NALCN: variants seen among roughly 807,000 people sequenced by gnomAD.
NALCN encodes the protein sodium leak channel NALCN.
NALCN carries 111 observed loss-of-function variants against 225.3 expected under a neutral mutation model. That is an observed-to-expected ratio of 0.49 (90% CI 0.42 to 0.58). The LOEUF is 0.58. Among genes scored for constraint, NALCN ranks in the 20% least tolerant of loss-of-function variants. NALCN has a pLI of 0.00. For synonymous variants in NALCN, 764 were observed against 769.0 expected (o/e 0.99, Z 0.11); for missense variants, 1,378 against 2,202.4 (o/e 0.63, Z 7.49).
intron 13 of NALCN, 137 bp downstream of exon 13, chr13:101,229,256 A>C: frequency 1.2e-6 from 1 of 830,584 alleles, no homozygotes; most frequent in Non-Finnish European, 1.8e-6. Flanking sequence ...AATTTTAAAT[A>C]TTAAAATCTA....
chr13:101,261,661 T>A (rs1196875726), intron 10 of NALCN, among the ~76,000 whole-genome samples: 1 of 152,226 alleles, frequency 6.6e-6, no homozygotes, highest in Non-Finnish European at 1.5e-5. Flanking sequence ...GCTGTTGGCT[T>A]ATAGAAATGC....
chr13:101,191,125 T>A (rs1398967372), intron 14 of NALCN, among the ~76,000 whole-genome samples: 1 of 152,110 alleles, frequency 6.6e-6, no homozygotes, highest in East Asian at 1.9e-4. Flanking sequence ...TTGTATTTAT[T>A]TCTTGTATTC....
rs140072313 is a variant in NALCN, at chr13:101,247,656, A to G, written c.1267-9734T>C. Among the ~76,000 whole-genome samples the G allele has an allele frequency of 2.0e-5, 3 of 152,268 alleles. No individual in the cohort carries two copies. The East Asian group carries it at 5.8e-4, about 29-fold the overall frequency. On this transcript the variant is annotated intron_variant, in intron 11 of 43. Coordinates refer to ENST00000251127, the MANE Select transcript of NALCN (RefSeq NM_052867.4). ...ATTTTATTTTTTTAAATTAAATTCA[A>G]TTAAATTTAAAGTTCCAGGATATAT...
intron 10 of NALCN, among the ~76,000 whole-genome samples, chr13:101,263,663 T>C (rs1227373198): frequency 6.6e-6 from 1 of 152,244 alleles, no homozygotes; most frequent in African/African-American, 2.4e-5. Flanking sequence ...GTTTTTTGTC[T>C]GAATGTCTAC....
At position 101,145,295 on chromosome 13, in the gene NALCN, T is replaced by G. The variant is rs1296560548; in HGVS notation, c.1840-399A>C. ...AAAATTTTTAAAAACCATGAAAAAT[T>G]TAAAAAAAATTAACTACAGAATCAT... is the stretch of plus-strand genomic sequence containing the variant. On this transcript the variant is annotated intron_variant, in intron 15 of 43. Transcript: ENST00000251127. Among the ~76,000 whole-genome samples, 4 of 152,220 alleles carry G rather than the reference T, an allele frequency of 2.6e-5. No individual in the cohort carries two copies. In the Middle Eastern group the frequency reaches 0.01, roughly 388 times the overall value.
intron 3 of NALCN, among the ~76,000 whole-genome samples, chr13:101,393,682 C>CT (rs36119585): frequency 0.037 from 5,647 of 152,250 alleles, 145 homozygotes; most frequent in Admixed American, 0.073. Flanking sequence ...TGGCTTATGC[C>CT]TGTAATCCCA....
intron 14 of NALCN, among the ~76,000 whole-genome samples, chr13:101,186,467 T>C (rs1253134016): frequency 2.0e-5 from 3 of 152,212 alleles, no homozygotes; most frequent in Non-Finnish European, 4.4e-5. Flanking sequence ...ACAGTAACTG[T>C]TAGTCTAAGG....
intron 10 of NALCN, among the ~76,000 whole-genome samples, chr13:101,272,511 T>C (rs888719412): frequency 5.9e-5 from 9 of 152,118 alleles, no homozygotes; most frequent in African/African-American, 2.2e-4. Flanking sequence ...CCAAATATAA[T>C]CAAGGAATCA....
intron 10 of NALCN, among the ~76,000 whole-genome samples, chr13:101,265,921 A>C (rs903744933): frequency 6.6e-6 from 1 of 152,222 alleles, no homozygotes; most frequent in African/African-American, 2.4e-5. Context: ...AGAAGGTATA[A>C]GTACATGAAC....
intron 37 of NALCN, among the ~76,000 whole-genome samples, chr13:101,070,790 T>C (rs997236409): frequency 6.6e-6 from 1 of 152,208 alleles, no homozygotes; most frequent in Non-Finnish European, 1.5e-5. Flanking sequence ...AGCATAATTC[T>C]TAAGAGACTG....
chr13:101,103,239 A>T lies in NALCN; in HGVS notation c.2990T>A (p.Phe997Tyr), dbSNP rs1204577109. ...VLRCLRPLRI[F>Y]KLVPQMRKVV... ...TTTCCTCATCTGGGGCACCAGTTTG[A>T]ATATGCGCAGAGGTCTCAGGCACCG... The change falls in exon 26 of 44, where the codon TTC becomes TAC. Residue 997 changes from phenylalanine (F) to tyrosine (Y), a missense_variant. Physicochemically the swap from Phe to Tyr is conservative, Grantham distance 22. Coordinates refer to ENST00000251127, the MANE Select transcript of NALCN (RefSeq NM_052867.4). The T allele has an allele frequency of 6.2e-7, 1 of 1,614,016 alleles. No homozygotes were observed. The highest frequency in any genetic ancestry group is 1.1e-5 in the South Asian group (1 of 91,072).
intron 43 of NALCN, among the ~76,000 whole-genome samples, chr13:101,056,462 A>G (rs2031277062): frequency 6.6e-6 from 1 of 151,884 alleles, no homozygotes; most frequent in Admixed American, 6.6e-5. Flanking sequence ...GGGTTTCACC[A>G]TGTTGACCAG....
intron 9 of NALCN, 27 bp downstream of exon 9, chr13:101,291,963 T>C: frequency 1.2e-6 from 2 of 1,610,624 alleles, no homozygotes; most frequent in Non-Finnish European, 1.7e-6. Context: ...TCGAATGGGT[T>C]ATAACATCCT....
chr13:101,114,198 C>G (rs994892675), intron 18 of NALCN, among the ~76,000 whole-genome samples: 1 of 152,154 alleles, frequency 6.6e-6, no homozygotes, highest in African/African-American at 2.4e-5. Context: ...GGACCTTAGA[C>G]AGGTGATGTG....
At chr13:101,301,308 GGGTAGCAAAGAAACCT>G (rs2043958213) in intron 7 of NALCN, among the ~76,000 whole-genome samples, 1 of 152,216 alleles carries the variant, frequency 6.6e-6, no homozygotes, top group Non-Finnish European at 1.5e-5. Context: ...CTGAGAGTAA[GGGTAGCAAAGAAACCT>G]GGTCAGATAC....
intron 15 of NALCN, among the ~76,000 whole-genome samples, chr13:101,146,806 A>C (rs1375246219): frequency 6.6e-6 from 1 of 152,190 alleles, no homozygotes; most frequent in Non-Finnish European, 1.5e-5. Flanking sequence ...ACTCGCCCTC[A>C]CGGAGCCCAC....
chr13:101,345,289 C>A lies in NALCN; in HGVS notation c.776G>T (p.Gly259Val). The change falls in exon 7 of 44, where the codon GGC (glycine) becomes GTC (valine). Residue 259 changes from glycine to valine, a missense_variant. Physicochemically the swap from Gly to Val is moderately radical, Grantham distance 109. This residue lies in a region of NALCN where 67 missense variants were observed against 82.1 expected (regional missense o/e 0.82). Transcript: ENST00000251127. Reference protein sequence around the residue: ...EDLGLSRQELGYSGFNEIGTS... With the variant: ...EDLGLSRQELVYSGFNEIGTS... Reference sequence around the variant, plus strand: ...ACCTATCTCATTAAAGCCACTGTAGCCCAGCTCTTGCCTGCTAAGTCCCAG... The same window carrying A: ...ACCTATCTCATTAAAGCCACTGTAGACCAGCTCTTGCCTGCTAAGTCCCAG... 1 of 1,613,634 alleles carries A rather than the reference C, an allele frequency of 6.2e-7. No homozygotes were observed.
chr13:101,253,311 T>C (rs2042116475), intron 11 of NALCN, among the ~76,000 whole-genome samples: 2 of 152,202 alleles, frequency 1.3e-5, no homozygotes, highest in Non-Finnish European at 1.5e-5. Context: ...AGACTGTGAG[T>C]TGGCTCTTAA....
At chr13:101,279,228 G>A (rs1304491157) in intron 10 of NALCN, among the ~76,000 whole-genome samples, 1 of 152,210 alleles carries the variant, frequency 6.6e-6, no homozygotes, top group Non-Finnish European at 1.5e-5. Context: ...TTGAGGATAA[G>A]AAAGTGATGT....
Sources: gnomAD v4.1 joint callset for allele counts (sites outside exome capture counted in the v4.1 genomes callset) on GRCh38, gnomAD v4.1.1 for gene constraint, gnomAD v4.1.1 regional missense constraint, MANE v1.5 for transcripts, NCBI Gene and HGNC (gene_info 2026-07-23, HGNC 2026-07-21) for gene names.